ELAVL2: variants seen among roughly 807,000 people sequenced by gnomAD.
ELAVL2 encodes ELAV like RNA binding protein 2.
A neutral mutation model predicts 34.6 loss-of-function variants in ELAVL2; 4 were observed. That is an observed-to-expected ratio of 0.12 (90% CI 0.06 to 0.26). ELAVL2 has a LOEUF of 0.26. Ranked by LOEUF, ELAVL2 falls within the 10% of genes least tolerant of loss-of-function variation. ELAVL2 has a pLI of 1.00. For missense variants in ELAVL2, 432 were observed against 442.8 expected, an observed-to-expected ratio of 0.98 and a Z score of 0.22; for synonymous variants, 193 against 154.8, an observed-to-expected ratio of 1.25 and a Z score of -1.83.
intron 1 of ELAVL2, among the ~76,000 whole-genome samples, chr9:23,792,940 TTTA>T (rs2060497602): frequency 6.6e-6 from 1 of 152,028 alleles, no homozygotes; most frequent in African/African-American, 2.4e-5. Flanking sequence ...CCAGTTATTT[TTTA>T]TTTTTTACTT....
chr9:23,844,323 C>T, the ELAVL2 span, among the ~76,000 whole-genome samples: 1 of 152,110 alleles, frequency 6.6e-6, no homozygotes. Context: ...TAGCACGGTG[C>T]CTAACCCAGT....
intron 1 of ELAVL2, among the ~76,000 whole-genome samples, chr9:23,791,259 G>T (rs565681715): frequency 6.6e-6 from 1 of 152,290 alleles, no homozygotes; most frequent in Non-Finnish European, 1.5e-5. Flanking sequence ...GTGGGAGCAA[G>T]GAGTCTTGAC....
At chr9:23,702,330 G>A (rs1317160413) in intron 4 of ELAVL2, among the ~76,000 whole-genome samples, 2 of 152,072 alleles carry the variant, frequency 1.3e-5, no homozygotes, top group Non-Finnish European at 2.9e-5. Flanking sequence ...TCTGACCTCA[G>A]CAGCATCACT....
At chr9:23,806,797 G>C (rs771505242) in intron 1 of ELAVL2, among the ~76,000 whole-genome samples, 34 of 152,064 alleles carry the variant, frequency 2.2e-4, no homozygotes, top group Non-Finnish European at 4.6e-4. Flanking sequence ...AAAGGCAATG[G>C]GAAGTTGTTA....
chr9:23,807,698 A>G (rs983808966), intron 1 of ELAVL2, among the ~76,000 whole-genome samples: 1 of 152,200 alleles, frequency 6.6e-6, no homozygotes, highest in Non-Finnish European at 1.5e-5. Flanking sequence ...TAATCCAATC[A>G]ATGACAAAAC....
At chr9:23,827,935 T>C (rs1406061222), upstream of ELAVL2, among the ~76,000 whole-genome samples, 1 of 152,190 alleles carries the variant, frequency 6.6e-6, no homozygotes, top group African/African-American at 2.4e-5. Context: ...ATCTTATAAT[T>C]AGTGTTTATA....
chr9:23,789,847 C>T (rs1330937388), intron 1 of ELAVL2, among the ~76,000 whole-genome samples: 2 of 152,182 alleles, frequency 1.3e-5, no homozygotes, highest in Non-Finnish European at 2.9e-5. Context: ...CTAAATGTCA[C>T]TTATAAATGA....
At chr9:23,754,983 T>C (rs2053188263) in intron 2 of ELAVL2, among the ~76,000 whole-genome samples, 1 of 152,166 alleles carries the variant, frequency 6.6e-6, no homozygotes, top group African/African-American at 2.4e-5. Flanking sequence ...TTGTTAAAAG[T>C]GCCCTTATCT....
intron 2 of ELAVL2, among the ~76,000 whole-genome samples, chr9:23,759,145 C>G (rs968659000): frequency 6.6e-6 from 1 of 151,996 alleles, no homozygotes; most frequent in Non-Finnish European, 1.5e-5. Flanking sequence ...ATGTTTACAA[C>G]AGCCAAAATA....
chr9:23,805,461 GCCCATTT>G (rs2062089790), intron 1 of ELAVL2, among the ~76,000 whole-genome samples: 1 of 152,202 alleles, frequency 6.6e-6, no homozygotes, highest in African/African-American at 2.4e-5. Flanking sequence ...ATGAAGGGTT[GCCCATTT>G]AACATACTGC....
At chr9:23,728,730 C>G (rs913655140) in intron 3 of ELAVL2, among the ~76,000 whole-genome samples, 1 of 151,994 alleles carries the variant, frequency 6.6e-6, no homozygotes, top group African/African-American at 2.4e-5. Context: ...AGACATTGTA[C>G]AAGAGCACAA....
chr9:23,746,451 G>C lies in ELAVL2; in HGVS notation c.230-15326C>G, dbSNP rs116854588. 1.1e-3 allele frequency among the ~76,000 whole-genome samples: 169 copies of C among 152,258 alleles called. 1 individual carries two copies. In the East Asian group the frequency reaches 0.015, roughly 13 times the overall value. ...CTGGAAGAGTCACAGAGCGTTTTCAGAATGAGTAAGGGCTGGGAACCAGAC... is the reference window on the plus strand; with the variant it reads ...CTGGAAGAGTCACAGAGCGTTTTCACAATGAGTAAGGGCTGGGAACCAGAC... On this transcript the variant is annotated intron_variant, in intron 2 of 6. Transcript: ENST00000397312.
chr9:23,822,431 T>C (rs1305980680), intron 1 of ELAVL2, among the ~76,000 whole-genome samples: 1 of 152,128 alleles, frequency 6.6e-6, no homozygotes, highest in Non-Finnish European at 1.5e-5. Context: ...TGCAAACGCT[T>C]GCCGCTAGCC....
intron 1 of ELAVL2, among the ~76,000 whole-genome samples, chr9:23,803,742 G>A (rs573085105): frequency 3.0e-4 from 46 of 152,230 alleles, no homozygotes; most frequent in South Asian, 1.7e-3. Context: ...GGGGGGTTGC[G>A]GGTGGGGTGG....
At chr9:23,776,739 CAAAA>C (rs34583759) in intron 1 of ELAVL2, among the ~76,000 whole-genome samples, 7 of 77,712 alleles carry the variant, frequency 9.0e-5, no homozygotes, top group African/African-American at 2.2e-4. Context: ...AGTTTGCTAT[CAAAA>C]AAAAAAAAAA....
At position 23,693,431 on chromosome 9, in the gene ELAVL2, T is replaced by C. The variant is rs2033937927; in HGVS notation, c.752+17A>G. ...CTGTGGAAAGGGATTATGAGTATCA[T>C]GAACCTCTATCATTACCTCTTTACT... On this transcript the variant is annotated intron_variant, in intron 6 of 6. Coordinates refer to ENST00000397312, the MANE Select transcript of ELAVL2 (RefSeq NM_004432.5). The C allele has an allele frequency of 6.2e-7, 1 of 1,614,002 alleles. No individual in the cohort carries two copies. Among genetic ancestry groups the C allele is most frequent in the Non-Finnish European group, 8.5e-7 (1 of 1,179,880 alleles).
At chr9:23,790,594 G>T (rs2060215507) in intron 1 of ELAVL2, among the ~76,000 whole-genome samples, 1 of 152,132 alleles carries the variant, frequency 6.6e-6, no homozygotes, top group Non-Finnish European at 1.5e-5. Context: ...AGTCCCTCAA[G>T]AAAAAGTTAA....
chr9:23,802,500 C>A (rs1305700789), intron 1 of ELAVL2, among the ~76,000 whole-genome samples: 1 of 152,124 alleles, frequency 6.6e-6, no homozygotes, highest in Non-Finnish European at 1.5e-5. Flanking sequence ...CTTAAATTTA[C>A]CCCTCCCCTA....
chr9:23,780,388 TTAAGA>T (rs765526283), intron 1 of ELAVL2, among the ~76,000 whole-genome samples: 1 of 152,214 alleles, frequency 6.6e-6, no homozygotes, highest in Non-Finnish European at 1.5e-5. Context: ...TTATTAACTC[TTAAGA>T]TAAATTTCCA....
Sources: gnomAD v4.1 joint callset for allele counts (sites outside exome capture counted in the v4.1 genomes callset) on GRCh38, gnomAD v4.1.1 for gene constraint, MANE v1.5 for transcripts, NCBI Gene and HGNC (gene_info 2026-07-23, HGNC 2026-07-21) for gene names.